TACR1: variants seen among roughly 807,000 people sequenced by gnomAD.
TACR1 encodes the protein substance-P receptor.
A neutral mutation model predicts 35.8 loss-of-function variants in TACR1; 25 were observed. That is an observed-to-expected ratio of 0.70 (90% confidence interval 0.51 to 0.98). The LOEUF is 0.98. TACR1 is among the 50% of genes least tolerant of loss of function. The pLI is 0.00. For synonymous variants in TACR1, 195 were observed against 206.7 expected (o/e 0.94, Z 0.48); for missense variants, 478 against 522.9 (o/e 0.91, Z 0.84).
chr2:75,162,043 C>CAAAAAAAA lies in TACR1; in HGVS notation c.389+36495_389+36502dup, dbSNP rs35438025. 2.1e-5 allele frequency among the ~76,000 whole-genome samples: 2 copies of CAAAAAAAA among 94,182 alleles called. 1 individual carries two copies. Among genetic ancestry groups the CAAAAAAAA allele is most frequent in the Non-Finnish European group, 4.0e-5 (2 of 49,434 alleles). 61.8% of individuals were successfully genotyped at this position (94,182 alleles called of 152,430 possible). The stretch of plus-strand genomic sequence containing the variant: ...AGATGCTAACAAGTATTGACTCTTC[C>CAAAAAAAA]AAAAAAAAAAAAAAAAAAAAGAAGT... On this transcript the variant is annotated intron_variant, in intron 1 of 4. Transcript: ENST00000305249.
At chr2:75,195,418 T>C (rs1297106154) in intron 1 of TACR1, among the ~76,000 whole-genome samples, 1 of 151,722 alleles carries the variant, frequency 6.6e-6, no homozygotes, top group East Asian at 1.9e-4. Context: ...CATCCCTTTT[T>C]TTCCTTCCCT....
intron 2 of TACR1, among the ~76,000 whole-genome samples, chr2:75,077,935 G>C (rs1001580313): frequency 6.6e-6 from 1 of 152,174 alleles, no homozygotes; most frequent in Non-Finnish European, 1.5e-5. Context: ...AAATCAGTGA[G>C]CTCAAGTTGG....
intron 1 of TACR1, among the ~76,000 whole-genome samples, chr2:75,141,097 T>C (rs7583726): frequency 1.3e-5 from 2 of 152,090 alleles, no homozygotes; most frequent in African/African-American, 2.4e-5. Context: ...GAAGGTCTCA[T>C]TGGGCAACAC....
intron 2 of TACR1, among the ~76,000 whole-genome samples, chr2:75,109,412 C>T (rs750122503): frequency 8.6e-5 from 13 of 152,014 alleles, no homozygotes; most frequent in Non-Finnish European, 1.6e-4. Context: ...GAGTAGAGAC[C>T]CCTTTAACTT....
At chr2:75,057,340 A>T (rs189974657) in intron 2 of TACR1, among the ~76,000 whole-genome samples, 37 of 151,860 alleles carry the variant, frequency 2.4e-4, no homozygotes, top group South Asian at 1.2e-3. Flanking sequence ...TCCACTACCT[A>T]CCCAAATCCT....
chr2:75,172,647 A>G (rs1019268587), intron 1 of TACR1, among the ~76,000 whole-genome samples: 1 of 152,116 alleles, frequency 6.6e-6, no homozygotes, highest in East Asian at 1.9e-4. Context: ...AATGGAACGA[A>G]TATATTCTTC....
intron 2 of TACR1, among the ~76,000 whole-genome samples, chr2:75,069,414 G>A (rs2103812208): frequency 6.6e-6 from 1 of 152,084 alleles, no homozygotes; most frequent in Non-Finnish European, 1.5e-5. Flanking sequence ...CAGAAAAGTT[G>A]CAAAGATAAA....
chr2:75,094,847 A>G (rs1673383240), intron 2 of TACR1, among the ~76,000 whole-genome samples: 1 of 87,892 alleles, frequency 1.1e-5, no homozygotes. Flanking sequence ...ACATATATAT[A>G]TATATATATA....
intron 1 of TACR1, among the ~76,000 whole-genome samples, chr2:75,134,281 G>T (rs1034907476): frequency 6.6e-6 from 1 of 152,176 alleles, no homozygotes; most frequent in African/African-American, 2.4e-5. Flanking sequence ...TTGGGGCCTG[G>T]ATCGGGATGC....
chr2:75,154,712 A>C (rs554228858), intron 1 of TACR1: 4 of 152,586 alleles, frequency 2.6e-5, no homozygotes, highest in Admixed American at 6.6e-5. Context: ...GGAGTCTCCT[A>C]ACTGTCTTGT....
intron 2 of TACR1, among the ~76,000 whole-genome samples, chr2:75,076,752 C>T (rs1672988445): frequency 6.6e-6 from 1 of 152,160 alleles, no homozygotes; most frequent in Admixed American, 6.5e-5. Flanking sequence ...CTTGTCTCTA[C>T]ATCTCTTCCT....
intron 1 of TACR1, among the ~76,000 whole-genome samples, chr2:75,159,651 C>T (rs1044376381): frequency 6.6e-6 from 1 of 152,086 alleles, no homozygotes; most frequent in African/African-American, 2.4e-5. Flanking sequence ...GAAAGCTAGC[C>T]CCAATTTGAC....
intron 2 of TACR1, among the ~76,000 whole-genome samples, chr2:75,079,431 T>C (rs1673037368): frequency 6.6e-6 from 1 of 152,230 alleles, no homozygotes; most frequent in Admixed American, 6.5e-5. Flanking sequence ...GTGTTAAATT[T>C]GGCACTTGGG....
chr2:75,086,535 C>T (rs148428018), intron 2 of TACR1, among the ~76,000 whole-genome samples: 5 of 152,228 alleles, frequency 3.3e-5, no homozygotes, highest in Admixed American at 2.6e-4. Flanking sequence ...TGGGGAGTCT[C>T]ATACACCCAG....
rs550265842 is a variant in TACR1, at chr2:75,074,404, G to A, written c.585-20649C>T. Among the ~76,000 whole-genome samples the A allele has an allele frequency of 1.7e-4, 26 of 152,298 alleles. No homozygotes were observed. The South Asian group carries it at 4.6e-3, about 27-fold the overall frequency. On this transcript the variant is annotated intron_variant, in intron 2 of 4. Coordinates refer to ENST00000305249, the MANE Select transcript of TACR1 (RefSeq NM_001058.4). ...CATCTATCTGGAGCCCCTGGGTCTTGTAGGGAATGCAGAGCTCAGATTTCA... is the reference window on the plus strand; with the variant it reads ...CATCTATCTGGAGCCCCTGGGTCTTATAGGGAATGCAGAGCTCAGATTTCA...
intron 1 of TACR1, among the ~76,000 whole-genome samples, chr2:75,143,506 GTGTAGGCAT>G (rs1186960935): frequency 1.3e-5 from 2 of 152,192 alleles, no homozygotes; most frequent in Non-Finnish European, 2.9e-5. Context: ...GCATTACTGT[GTGTAGGCAT>G]TGTCTGAAAT....
At chr2:75,079,736 CTTTTTT>C (rs11367021) in intron 2 of TACR1, among the ~76,000 whole-genome samples, 4 of 114,196 alleles carry the variant, frequency 3.5e-5, no homozygotes, top group African/African-American at 1.3e-4. Flanking sequence ...AACCTAATGC[CTTTTTT>C]TTTTTTTTTT....
At chr2:75,101,389 G>T (rs1349580792) in intron 2 of TACR1, among the ~76,000 whole-genome samples, 1 of 152,086 alleles carries the variant, frequency 6.6e-6, no homozygotes, top group Non-Finnish European at 1.5e-5. Context: ...CTGTGTACCA[G>T]ACACTGTGCT....
chr2:75,137,348 C>G (rs1389876207), intron 1 of TACR1, among the ~76,000 whole-genome samples: 1 of 151,994 alleles, frequency 6.6e-6, no homozygotes, highest in Non-Finnish European at 1.5e-5. Flanking sequence ...AAACAGAATC[C>G]TAGACATATA....
Sources: gnomAD v4.1 joint callset for allele counts (sites outside exome capture counted in the v4.1 genomes callset) on GRCh38, gnomAD v4.1.1 for gene constraint, MANE v1.5 for transcripts, NCBI Gene and HGNC (gene_info 2026-07-23, HGNC 2026-07-21) for gene names.